IQSEC3: variants seen among roughly 807,000 people sequenced by gnomAD.
IQSEC3 encodes the protein IQ motif and Sec7 domain ArfGEF 3.
In IQSEC3, 50 loss-of-function variants were observed where a neutral mutation model predicts 105.4. The ratio of observed to expected loss-of-function variants is 0.47; its 90% CI spans 0.38 to 0.60. IQSEC3 has a LOEUF of 0.60. Ranked by LOEUF, IQSEC3 falls within the 20% of genes least tolerant of loss-of-function variation. The pLI is 0.00. For synonymous variants in IQSEC3, 708 were observed against 746.0 expected, an observed-to-expected ratio of 0.95 and a Z score of 0.83; for missense variants, 1,415 against 1,630.0, an observed-to-expected ratio of 0.87 and a Z score of 2.27.
At chr12:84,679 ATGAG>A (rs1332768197) in intron 1 of IQSEC3, among the ~76,000 whole-genome samples, 4 of 152,164 alleles carry the variant, frequency 2.6e-5, no homozygotes, top group Non-Finnish European at 4.4e-5. Flanking sequence ...GCAGGTGTGT[ATGAG>A]TATGTTGAGC....
chr12:148,934 C>G (rs1866393006), intron 5 of IQSEC3: 1 of 151,574 alleles, frequency 6.6e-6, no homozygotes, highest in Non-Finnish European at 1.5e-5. Context: ...CAGACACTGT[C>G]TTGCTATCAT....
chr12:127,071 C>CA (rs1224109338), intron 3 of IQSEC3, among the ~76,000 whole-genome samples: 1 of 151,920 alleles, frequency 6.6e-6, no homozygotes, highest in Admixed American at 6.6e-5. Flanking sequence ...AAATATTCAT[C>CA]AAAAAAAATC....
chr12:141,001 G>A, intron 4 of IQSEC3, 123 bp from the exon 5 acceptor site: 2 of 994,972 alleles, frequency 2.0e-6, no homozygotes, highest in Non-Finnish European at 3.0e-6. Context: ...GGTGAGAGAA[G>A]CTTCAATGGG....
At position 123,170 on chromosome 12, in the gene IQSEC3, TGAG is replaced by T. The variant is rs782112644; in HGVS notation, c.624-2462_624-2460del. ...CTGCAATCCCAGCACTTTGGGAGGCTGAGAAGGGACAATCATTCGAGCCCAGGA... is the reference window on the plus strand; with the variant it reads ...CTGCAATCCCAGCACTTTGGGAGGCTAAGGGACAATCATTCGAGCCCAGGA... On this transcript the variant is annotated intron_variant, in intron 2 of 13. Transcript: ENST00000538872. Among the ~76,000 whole-genome samples the T allele has an allele frequency of 3.5e-4, 54 of 152,174 alleles. 1 individual carries two copies. Among genetic ancestry groups the T allele is most frequent in the Non-Finnish European group, 2.9e-4 (20 of 68,032 alleles).
Position 171,381 on chromosome 12 carries a change from C to A in IQSEC3, c.3114+220C>A, listed in dbSNP as rs1938988970. ...GCCACGAGCTCTTTCTCCCCTTTCC[C>A]CAGCCTGCTGCCCTCCGAGGCCGAG... On this transcript the variant is annotated intron_variant, in intron 13 of 13. Transcript: ENST00000538872. 2.2e-5 allele frequency: 33 copies of A among 1,509,492 alleles called. No homozygotes were observed. The South Asian group carries it at 3.8e-4, about 17-fold the overall frequency. 93.5% of individuals were successfully genotyped at this position (1,509,492 alleles called of 1,614,324 possible). A position where few individuals can be genotyped will look rare whatever the true frequency, so the allele number is the denominator to read the frequency against.
In IQSEC3 at chr12:67,032, C is replaced by A; in HGVS notation, c.150C>A (p.Asn50Lys). The A allele has an allele frequency of 1.3e-6, 2 of 1,532,614 alleles. No homozygotes were observed. Among genetic ancestry groups the A allele is most frequent in the Non-Finnish European group, 1.7e-6 (2 of 1,145,590 alleles). The allele number at this position is 1,532,614 out of a possible 1,614,324, so 94.9% of individuals were successfully genotyped here. The change falls in exon 1 of 14, where the codon AAC (asparagine) becomes AAA (lysine). Residue 50 changes from asparagine (N) to lysine (K), a missense_variant. By Grantham distance (94) the Asn-to-Lys change is moderately conservative. Transcript: ENST00000538872. ...GGCTGGACGAGCTGAGCGCTGAGAA[C>A]CGCAGCCTGTGGGAGCACCAGCAGC... ...ERRLDELSAE[N>K]RSLWEHQQLL...
chr12:86,889 TTCCCA>T (rs1863934681), intron 1 of IQSEC3, among the ~76,000 whole-genome samples: 1 of 152,002 alleles, frequency 6.6e-6, no homozygotes, highest in African/African-American at 2.4e-5. Flanking sequence ...TATGCAGGTC[TTCCCA>T]GATCCTTAGA....
chr12:165,316 AT>A (rs1425511062), intron 9 of IQSEC3, 117 bp from the exon 10 acceptor site: 2 of 753,986 alleles, frequency 2.7e-6, no homozygotes, highest in Non-Finnish European at 4.8e-6. Context: ...CTGTACCTGT[AT>A]GTGCACATTC....
At chr12:89,885 A>G (rs1864028043) in intron 1 of IQSEC3, among the ~76,000 whole-genome samples, 2 of 152,258 alleles carry the variant, frequency 1.3e-5, no homozygotes, top group Admixed American at 6.5e-5. Context: ...TTTTACATAC[A>G]TGAATAGTTT....
rs971483113 is a variant in IQSEC3, at chr12:170,266, A to G, written c.3065-846A>G. 4.6e-5 allele frequency among the ~76,000 whole-genome samples: 7 copies of G among 152,080 alleles called. 1 individual carries two copies. On this transcript the variant is annotated intron_variant, in intron 12 of 13. Transcript: ENST00000538872. The stretch of plus-strand genomic sequence containing the variant: ...CTGCTTTTGTTTTCTCAGCTGTGGA[A>G]CCCCAGAGCCAGCCCTCAGCTGTGT...
chr12:87,979 G>A (rs571916138), intron 1 of IQSEC3, among the ~76,000 whole-genome samples: 6 of 152,338 alleles, frequency 3.9e-5, no homozygotes, highest in East Asian at 3.9e-4. Context: ...AGGCTTCACC[G>A]AAAGGAGGAC....
intron 12 of IQSEC3, among the ~76,000 whole-genome samples, chr12:169,532 C>A (rs1938858579): frequency 6.6e-6 from 1 of 152,218 alleles, no homozygotes; most frequent in Non-Finnish European, 1.5e-5. Context: ...GGATCTTGCT[C>A]TTCTCTGTAC....
At chr12:171,380 C>T (rs782118928) in intron 13 of IQSEC3, 63 of 1,514,952 alleles carry the variant, frequency 4.2e-5, no homozygotes, top group Non-Finnish European at 5.4e-5. Context: ...CTCCCCTTTC[C>T]CCAGCCTGCT....
chr12:106,196 G>T (rs1864643501), intron 2 of IQSEC3, among the ~76,000 whole-genome samples: 1 of 152,222 alleles, frequency 6.6e-6, no homozygotes, highest in South Asian at 2.1e-4. Context: ...GACAACGAAT[G>T]CCTTGAGCAT....
In IQSEC3 at chr12:123,679, A is replaced by C. The variant is rs571681964; in HGVS notation, c.624-1954A>C. On this transcript the variant is annotated intron_variant, in intron 2 of 13. Coordinates refer to ENST00000538872, the MANE Select transcript of IQSEC3 (RefSeq NM_001170738.2). ...ACCCCACCCTTGGCTGGGAGGAAGC[A>C]CCAGGAGGAACACCTCTCTGCACCC... 5.3e-5 allele frequency among the ~76,000 whole-genome samples: 8 copies of C among 152,270 alleles called. No homozygotes were observed. In the South Asian group the frequency reaches 1.5e-3, roughly 28 times the overall value.
intron 3 of IQSEC3, among the ~76,000 whole-genome samples, chr12:129,010 T>A (rs992822681): frequency 2.6e-5 from 4 of 152,192 alleles, no homozygotes; most frequent in Non-Finnish European, 5.9e-5. Context: ...TGGCTTTGTT[T>A]CCTCTCCTGG....
rs902894815 is a variant in IQSEC3, at chr12:139,361, C to T, written c.1991+7C>T. ...GCCTCAACCTCTTCAACATGTAAGT[C>T]AGCCCCGGCCCCCAGCCCGGAGTCC... On this transcript the variant is annotated splice_region_variant and intron_variant, in intron 4 of 13. Transcript: ENST00000538872. 35 of 1,533,988 alleles carry T rather than the reference C, an allele frequency of 2.3e-5. No homozygotes were observed. Among genetic ancestry groups the T allele is most frequent in the Non-Finnish European group, 3.0e-5 (34 of 1,134,580 alleles).
In IQSEC3 at chr12:116,406, T is replaced by G. The variant is rs1865050432; in HGVS notation, c.624-9227T>G. Among the ~76,000 whole-genome samples the G allele has an allele frequency of 3.3e-5, 5 of 152,312 alleles. No individual in the cohort carries two copies. The South Asian group carries it at 1.0e-3, about 32-fold the overall frequency. On this transcript the variant is annotated intron_variant, in intron 2 of 13. Coordinates refer to ENST00000538872, the MANE Select transcript of IQSEC3 (RefSeq NM_001170738.2). ...AGACCTGGTCCCCAGCTGCCTCTCCTGTGGAGTACCCTCTCCCAGCATCCC... is the reference window on the plus strand; with the variant it reads ...AGACCTGGTCCCCAGCTGCCTCTCCGGTGGAGTACCCTCTCCCAGCATCCC...
At chr12:84,188 A>G (rs1863843758) in intron 1 of IQSEC3, among the ~76,000 whole-genome samples, 1 of 152,238 alleles carries the variant, frequency 6.6e-6, no homozygotes, top group East Asian at 1.9e-4. Flanking sequence ...TCGTGCCCAT[A>G]TGACAGTTGT....
Sources: allele counts gnomAD v4.1 joint callset (sites outside exome capture counted in the v4.1 genomes callset), GRCh38; gene constraint gnomAD v4.1.1; transcripts MANE v1.5; gene names NCBI Gene and HGNC (gene_info 2026-07-23, HGNC 2026-07-21).